The following ACBD6 variants were observed in gnomAD, a reference collection of about 807,000 sequenced individuals.
The protein encoded by ACBD6 is acyl-CoA binding domain containing 6.
ACBD6 carries 28 observed loss-of-function variants against 37.2 expected under a neutral mutation model. The observed-to-expected ratio is 0.75, with a 90% CI of 0.56 to 1.03. The LOEUF is 1.03. Ranked by LOEUF, ACBD6 falls within the 50% of genes least tolerant of loss-of-function variation. The pLI is 0.00. For synonymous variants in ACBD6, 113 were observed against 126.8 expected (o/e 0.89, Z 0.73); for missense variants, 340 against 337.4 (o/e 1.01, Z -0.06).
At chr1:180,437,100 A>G (rs1335299575) in intron 3 of ACBD6, among the ~76,000 whole-genome samples, 2 of 152,200 alleles carry the variant, frequency 1.3e-5, no homozygotes, top group Non-Finnish European at 2.9e-5. Context: ...GGTGCAGAAT[A>G]AATCTCTTCA....
intron 7 of ACBD6, among the ~76,000 whole-genome samples, chr1:180,314,190 A>G (rs1039620328): frequency 6.6e-6 from 1 of 152,212 alleles, no homozygotes. Flanking sequence ...TAGTATAGAA[A>G]CAATTTATTA....
At chr1:180,501,235 T>A (rs1651958857) in intron 1 of ACBD6, among the ~76,000 whole-genome samples, 1 of 152,174 alleles carries the variant, frequency 6.6e-6, no homozygotes, top group Non-Finnish European at 1.5e-5. Context: ...TTAGATTGTA[T>A]CAAACAGAAA....
At chr1:180,310,890 A>G (rs1291675460) in intron 7 of ACBD6, among the ~76,000 whole-genome samples, 1 of 152,188 alleles carries the variant, frequency 6.6e-6, no homozygotes, top group African/African-American at 2.4e-5. Context: ...TTTAATCTGC[A>G]TTCCCCAATT....
intron 3 of ACBD6, among the ~76,000 whole-genome samples, chr1:180,467,652 AAAAAT>A (rs1451684294): frequency 6.6e-6 from 1 of 152,054 alleles, no homozygotes; most frequent in Non-Finnish European, 1.5e-5. Flanking sequence ...TGTCTCTAAA[AAAAAT>A]AAAATAAAGG....
At position 180,397,657 on chromosome 1, in the gene ACBD6, A is replaced by G. The variant is rs747787208; in HGVS notation, c.574-52T>C. ...TGTTATCTCAGTTGTGGAGCCATGT[A>G]AAAGATATAATGTTTTAAGAAAGAC... On this transcript the variant is annotated intron_variant, in intron 5 of 7. Coordinates refer to ENST00000367595, the MANE Select transcript of ACBD6 (RefSeq NM_032360.4). The G allele has an allele frequency of 2.9e-6, 4 of 1,387,964 alleles. No homozygotes were observed. In the African/African-American group the frequency reaches 5.7e-5, roughly 20 times the overall value. The allele number at this position is 1,387,964 out of a possible 1,614,324, so 86.0% of individuals were successfully genotyped here.
rs769653332 is a variant in ACBD6, at chr1:180,413,437, C to T, written c.502G>A (p.Glu168Lys). 9.3e-6 allele frequency: 15 copies of T among 1,612,920 alleles called. No individual in the cohort carries two copies. The highest frequency in any genetic ancestry group is 1.2e-5 in the Non-Finnish European group (14 of 1,179,758). Residue 168 changes from glutamate to lysine, a missense_variant, in exon 5 of 8, where the codon GAA becomes AAA. By Grantham distance (56) the Glu-to-Lys change is moderately conservative (BLOSUM62 1). Coordinates refer to ENST00000367595, the MANE Select transcript of ACBD6 (RefSeq NM_032360.4). ...TTGGTTATATGGTCAATGTTGTTTT[C>T]CCTGCAGTAATCAAATATATTTTTG... ...EDKNIFDYCR[E>K]NNIDHITKAI... is the part of the protein sequence containing the mutation.
intron 3 of ACBD6, among the ~76,000 whole-genome samples, chr1:180,439,212 A>C (rs1649180959): frequency 1.3e-5 from 2 of 152,170 alleles, no homozygotes; most frequent in Non-Finnish European, 2.9e-5. Flanking sequence ...CCCTGGCCCA[A>C]AACACAAGAT....
intron 1 of ACBD6, among the ~76,000 whole-genome samples, chr1:180,496,864 C>T (rs1242490090): frequency 6.6e-6 from 1 of 151,176 alleles, no homozygotes; most frequent in Admixed American, 6.6e-5. Flanking sequence ...CTCAAATGGG[C>T]CAAAAAAAAA....
chr1:180,314,540 C>T lies in ACBD6; in HGVS notation c.694+152G>A, dbSNP rs1190386495. 20 of 614,132 alleles carry T rather than the reference C, an allele frequency of 3.3e-5. 1 individual carries two copies. The highest frequency in any genetic ancestry group is 8.9e-5 in the Admixed American group (3 of 33,806). 38.0% of individuals were successfully genotyped at this position (614,132 alleles called of 1,614,324 possible). On this transcript the variant is annotated intron_variant, in intron 7 of 7. Transcript: ENST00000367595. ...GATTACAGGTGTGAGCCCTCACGCC[C>T]GGCCTAATACATTTTTTTGAACAAA...
At chr1:180,326,742 C>T (rs1651270882) in intron 6 of ACBD6, among the ~76,000 whole-genome samples, 2 of 152,080 alleles carry the variant, frequency 1.3e-5, no homozygotes, top group South Asian at 4.1e-4. Context: ...CTATTGAGGA[C>T]CCAAGGGCTC....
At chr1:180,448,227 T>C (rs1287803172) in intron 3 of ACBD6, among the ~76,000 whole-genome samples, 2 of 152,190 alleles carry the variant, frequency 1.3e-5, no homozygotes, top group Non-Finnish European at 2.9e-5. Flanking sequence ...CATACAAATA[T>C]TAAGCACATA....
chr1:180,363,072 AT>A (rs1241957353), intron 6 of ACBD6, among the ~76,000 whole-genome samples: 2 of 152,186 alleles, frequency 1.3e-5, no homozygotes, highest in African/African-American at 2.4e-5. Context: ...TTTTGCAAAA[AT>A]TTAACATGTA....
rs1228517054 is a variant in ACBD6 at position 180,502,382 on chromosome 1, C to A, written c.-116G>T. 1 of 1,185,588 alleles carries A rather than the reference C, an allele frequency of 8.4e-7. No individual in the cohort carries two copies. Among genetic ancestry groups the A allele is most frequent in the Non-Finnish European group, 1.2e-6 (1 of 816,094 alleles). The allele number at this position is 1,185,588 out of a possible 1,614,324, so 73.4% of individuals were successfully genotyped here. On this transcript the variant is annotated 5_prime_UTR_variant, in exon 1 of 8. Transcript: ENST00000367595. ...GTCGCGAGCCTGAGCTCCAGTCGGA[C>A]CCAAGCTCAGTCGCGGCGCGCTCCC...
intron 3 of ACBD6, among the ~76,000 whole-genome samples, chr1:180,447,861 G>T (rs1021167862): frequency 2.0e-5 from 3 of 151,500 alleles, no homozygotes; most frequent in African/African-American, 7.3e-5. Context: ...AAAACAAATG[G>T]TTAATATTTC....
chr1:180,458,444 ATGT>A lies in ACBD6; in HGVS notation c.385-28185_385-28183del, dbSNP rs1650005259. Among the ~76,000 whole-genome samples the A allele has an allele frequency of 3.9e-5, 6 of 152,344 alleles. No homozygotes were observed. In the South Asian group the frequency reaches 1.2e-3, roughly 32 times the overall value. On this transcript the variant is annotated intron_variant, in intron 3 of 7. Transcript: ENST00000367595. ...ATTCAGTATAACCAGGAATTTAGGT[ATGT>A]TGTCATATAATACAGATAAGAAACA...
chr1:180,420,833 T>C (rs1412180057), intron 4 of ACBD6, among the ~76,000 whole-genome samples: 2 of 152,162 alleles, frequency 1.3e-5, no homozygotes, highest in African/African-American at 2.4e-5. Context: ...GTGTTGATCA[T>C]AAACCCGCCT....
At chr1:180,461,284 C>T (rs1650135928) in intron 3 of ACBD6, among the ~76,000 whole-genome samples, 1 of 152,078 alleles carries the variant, frequency 6.6e-6, no homozygotes, top group African/African-American at 2.4e-5. Flanking sequence ...GACTGGTGTA[C>T]CCGAAAGAGC....
chr1:180,331,427 A>G (rs897309552), intron 6 of ACBD6, among the ~76,000 whole-genome samples: 1 of 152,232 alleles, frequency 6.6e-6, no homozygotes, highest in African/African-American at 2.4e-5. Flanking sequence ...ATATGGTATC[A>G]AACTTATATA....
intron 3 of ACBD6, among the ~76,000 whole-genome samples, chr1:180,484,489 G>A (rs1485506453): frequency 6.6e-6 from 1 of 152,140 alleles, no homozygotes; most frequent in Non-Finnish European, 1.5e-5. Context: ...CTGGGAGCAG[G>A]GTTGTTCTGT....
Sources: allele counts gnomAD v4.1 joint callset (sites outside exome capture counted in the v4.1 genomes callset), GRCh38; gene constraint gnomAD v4.1.1; transcripts MANE v1.5; gene names NCBI Gene and HGNC (gene_info 2026-07-23, HGNC 2026-07-21).